CLPTM1: variants seen among roughly 807,000 people sequenced by gnomAD.
The protein encoded by CLPTM1 is putative lipid scramblase CLPTM1.
CLPTM1 carries 21 observed loss-of-function variants against 77.3 expected under a neutral mutation model. The ratio of observed to expected loss-of-function variants is 0.27; its 90% CI spans 0.19 to 0.39. The LOEUF is 0.39. Among genes scored for constraint, CLPTM1 ranks in the 10% least tolerant of loss-of-function variants. The probability of loss-of-function intolerance (pLI) is 1.00; values close to 1 mark genes in which losing one functional copy is unlikely to be tolerated. For synonymous variants in CLPTM1, 373 were observed against 381.0 expected, an observed-to-expected ratio of 0.98 and a Z score of 0.24; for missense variants, 642 against 921.2, an observed-to-expected ratio of 0.70 and a Z score of 3.92.
At chr19:44,972,491 CG>C (rs1454873373) in intron 2 of CLPTM1, among the ~76,000 whole-genome samples, 1 of 152,038 alleles carries the variant, frequency 6.6e-6, no homozygotes, top group Non-Finnish European at 1.5e-5. Flanking sequence ...CCTCGTGATC[CG>C]CCCGCCTTGG....
intron 1 of CLPTM1, among the ~76,000 whole-genome samples, chr19:44,959,847 G>C (rs987012169): frequency 6.6e-6 from 1 of 152,208 alleles, no homozygotes; most frequent in Admixed American, 6.5e-5. Flanking sequence ...TCTTTCTGCT[G>C]ATAGCCATCC....
At chr19:44,987,866 C>G (rs778995196) in intron 8 of CLPTM1, 1 of 602,674 alleles carries the variant, frequency 1.7e-6, no homozygotes, top group Non-Finnish European at 3.0e-6. Flanking sequence ...CCCTTGGCCT[C>G]TGCCTCTTCC....
intron 5 of CLPTM1, among the ~76,000 whole-genome samples, chr19:44,983,403 G>A (rs947055719): frequency 2.0e-5 from 3 of 151,384 alleles, no homozygotes; most frequent in Non-Finnish European, 2.9e-5. Context: ...GGCAGATCAC[G>A]AGGCCAGGAG....
rs998109234 is a variant in CLPTM1, at chr19:44,987,201, C to T, written c.816C>T (p.Ser272=). ...LDQYVKFDAV[S]GDYYPIIYFN... is the part of the protein sequence containing the mutation. ...CAGATGTGAAGTTCGACGCCGTGAGCGGTGACTACTATCCCATCATCTACT... is the reference window on the plus strand; with the variant it reads ...CAGATGTGAAGTTCGACGCCGTGAGTGGTGACTACTATCCCATCATCTACT... Residue 272 remains serine, a synonymous_variant, in exon 8 of 14, where the codon AGC becomes AGT. Coordinates refer to ENST00000337392, the MANE Select transcript of CLPTM1 (RefSeq NM_001294.4). 5.6e-6 allele frequency: 9 copies of T among 1,611,950 alleles called. No individual in the cohort carries two copies. The highest frequency in any genetic ancestry group is 4.0e-5 in the African/African-American group (3 of 74,898).
intron 1 of CLPTM1, among the ~76,000 whole-genome samples, chr19:44,960,519 GC>G (rs1970528378): frequency 6.6e-6 from 1 of 152,210 alleles, no homozygotes; most frequent in African/African-American, 2.4e-5. Context: ...TGACCCTGGA[GC>G]CCCTCCAATG....
intron 1 of CLPTM1, among the ~76,000 whole-genome samples, chr19:44,959,440 A>G (rs1970511510): frequency 6.6e-6 from 1 of 152,012 alleles, no homozygotes; most frequent in Non-Finnish European, 1.5e-5. Context: ...CTGTAGCCTC[A>G]TTCTCCAAGG....
intron 5 of CLPTM1, among the ~76,000 whole-genome samples, chr19:44,977,832 T>C (rs1970830122): frequency 6.6e-6 from 1 of 151,970 alleles, no homozygotes; most frequent in Admixed American, 6.6e-5. Flanking sequence ...AAATAATTTG[T>C]GGGCTGGGTG....
chr19:44,988,538 C>CG (rs1416130065), intron 9 of CLPTM1, among the ~76,000 whole-genome samples: 1 of 152,226 alleles, frequency 6.6e-6, no homozygotes, highest in African/African-American at 2.4e-5. Context: ...GCTGAGTGGA[C>CG]GGGGCCTGCC....
intron 2 of CLPTM1, 59 bp from the exon 3 acceptor site, chr19:44,973,028 G>T: frequency 1.3e-6 from 2 of 1,589,652 alleles, no homozygotes; most frequent in South Asian, 2.2e-5. Flanking sequence ...GAAGTCAGGC[G>T]GGTCTATGGC....
chr19:44,974,388 CAGAGGCTCTGAAG>C, intron 3 of CLPTM1, 38 bp from the exon 4 acceptor site: 1 of 1,566,422 alleles, frequency 6.4e-7, no homozygotes, highest in Non-Finnish European at 8.7e-7. Context: ...AGCCAGCCTG[CAGAGGCTCTGAAG>C]AGCAGGCCTG....
chr19:44,981,226 C>A (rs1168985711), intron 5 of CLPTM1, among the ~76,000 whole-genome samples: 2 of 152,114 alleles, frequency 1.3e-5, no homozygotes, highest in Non-Finnish European at 2.9e-5. Flanking sequence ...CTCGCCACAG[C>A]CTCCACCTCC....
intron 1 of CLPTM1, among the ~76,000 whole-genome samples, chr19:44,960,840 A>C (rs1237131044): frequency 6.6e-6 from 1 of 152,032 alleles, no homozygotes; most frequent in Non-Finnish European, 1.5e-5. Flanking sequence ...GGTGCTCTTG[A>C]GCTAACTGTG....
At chr19:44,969,880 G>T (rs1377259980) in intron 2 of CLPTM1, among the ~76,000 whole-genome samples, 1 of 149,434 alleles carries the variant, frequency 6.7e-6, no homozygotes, top group African/African-American at 2.5e-5. Context: ...TAGAGATGGG[G>T]TTTCACCATG....
chr19:44,982,112 G>A, intron 5 of CLPTM1, among the ~76,000 whole-genome samples: 1 of 146,582 alleles, frequency 6.8e-6, no homozygotes, highest in Admixed American at 6.7e-5. Flanking sequence ...ACTTTGGGAG[G>A]TTGAGGCAGG....
At chr19:44,988,831 CG>C (rs1248107858) in intron 9 of CLPTM1, among the ~76,000 whole-genome samples, 1 of 152,212 alleles carries the variant, frequency 6.6e-6, no homozygotes, top group East Asian at 1.9e-4. Context: ...GAGTGGCCTG[CG>C]GCCCTGTAGC....
rs985879619 is a variant in CLPTM1, at chr19:44,990,276, C to T, written c.1133-119C>T. ...GAGAGGGGTCTCGTTCAGCACCCCT[C>T]CTGAGGACCCAGCCCCACCCCAGGG... On this transcript the variant is annotated intron_variant, in intron 9 of 13. Coordinates refer to ENST00000337392, the MANE Select transcript of CLPTM1 (RefSeq NM_001294.4). This position sits in a 1 kb window ranked among gnomAD's most constrained non-coding sequence, Gnocchi z 4.8. 1 of 1,002,304 alleles carries T rather than the reference C, an allele frequency of 1.0e-6. No individual in the cohort carries two copies. The highest frequency in any genetic ancestry group is 2.4e-5 in the East Asian group (1 of 41,822). The allele number at this position is 1,002,304 out of a possible 1,614,324, so 62.1% of individuals were successfully genotyped here. A position where few individuals can be genotyped will look rare whatever the true frequency, so the allele number is the denominator to read the frequency against.
chr19:44,991,731 C>T lies in CLPTM1; in HGVS notation c.1555+358C>T, dbSNP rs1006546573. ...CCAGCCTGGGCAACTTGGCAAGACC[C>T]GATCTCTACAAAAAAACACAGAAAT... is the stretch of plus-strand genomic sequence containing the variant. On this transcript the variant is annotated intron_variant, in intron 12 of 13. Transcript: ENST00000337392. The surrounding 1 kb of genome is among the most constrained non-coding windows in gnomAD (Gnocchi z 5.4). 5.3e-5 allele frequency among the ~76,000 whole-genome samples: 8 copies of T among 151,968 alleles called. No homozygotes were observed. The highest frequency in any genetic ancestry group is 1.9e-4 in the African/African-American group (8 of 41,380).
chr19:44,970,510 C>T (rs561850313), intron 2 of CLPTM1, among the ~76,000 whole-genome samples: 1 of 144,384 alleles, frequency 6.9e-6, no homozygotes, highest in Admixed American at 6.8e-5. Context: ...GGTGATTCTC[C>T]CACCTCAGCC....
chr19:44,974,366 C>T, intron 3 of CLPTM1, 73 bp from the exon 4 acceptor site: 2 of 1,503,998 alleles, frequency 1.3e-6, no homozygotes, highest in Admixed American at 1.9e-5. Flanking sequence ...CTGACCGCTG[C>T]CATAGCTCTT....
Sources: allele counts gnomAD v4.1 joint callset (sites outside exome capture counted in the v4.1 genomes callset), GRCh38; gene constraint gnomAD v4.1.1; non-coding constraint Gnocchi (gnomAD v3.1); transcripts MANE v1.5; gene names NCBI Gene and HGNC (gene_info 2026-07-23, HGNC 2026-07-21).